The following PTPN22 variants were observed in gnomAD, a reference collection of about 807,000 sequenced individuals.
The protein encoded by PTPN22 is protein tyrosine phosphatase non-receptor type 22, also known as tyrosine-protein phosphatase non-receptor type 22.
PTPN22 carries 85 observed loss-of-function variants against 103.3 expected under a neutral mutation model. The ratio of observed to expected loss-of-function variants is 0.82; its 90% CI spans 0.69 to 0.99. The LOEUF (loss-of-function observed/expected upper bound fraction) is 0.99. PTPN22 is among the 50% of genes least tolerant of loss of function. PTPN22 has a pLI of 0.00. For synonymous variants in PTPN22, 323 were observed against 310.2 expected, an observed-to-expected ratio of 1.04 and a Z score of -0.43; for missense variants, 865 against 936.9, an observed-to-expected ratio of 0.92 and a Z score of 1.00.
intron 19 of PTPN22, among the ~76,000 whole-genome samples, chr1:113,821,508 G>T (rs551116902): frequency 6.6e-6 from 1 of 152,202 alleles, no homozygotes; most frequent in Admixed American, 6.5e-5. Context: ...ATTTTTAGTA[G>T]AGATGGGGTT....
At chr1:113,819,055 C>T (rs980560187) in intron 20 of PTPN22, among the ~76,000 whole-genome samples, 1 of 152,102 alleles carries the variant, frequency 6.6e-6, no homozygotes, top group East Asian at 1.9e-4. Context: ...TTAAATAGTA[C>T]ATAAATATGT....
chr1:113,816,844 G>T (rs1558011871), intron 20 of PTPN22, among the ~76,000 whole-genome samples: 1 of 152,216 alleles, frequency 6.6e-6, no homozygotes, highest in African/African-American at 2.4e-5. Context: ...AGGAGGCTGA[G>T]GTTACAGTGA....
intron 1 of PTPN22, among the ~76,000 whole-genome samples, chr1:113,863,157 A>G (rs1196572216): frequency 1.3e-5 from 2 of 152,184 alleles, no homozygotes; most frequent in South Asian, 2.1e-4. Flanking sequence ...CAGTGGCGCA[A>G]TCTTGGCTCA....
At chr1:113,848,388 T>C (rs1664278042) in intron 11 of PTPN22, 152 bp downstream of exon 11, 4 of 1,079,428 alleles carry the variant, frequency 3.7e-6, no homozygotes, top group Non-Finnish European at 5.3e-6. Context: ...TAATTTGTCA[T>C]TTTCCACAGG....
intron 19 of PTPN22, among the ~76,000 whole-genome samples, chr1:113,820,192 G>A (rs1661472312): frequency 6.6e-6 from 1 of 151,610 alleles, no homozygotes; most frequent in African/African-American, 2.4e-5. Flanking sequence ...GGTGACTCAC[G>A]CCTGTAATCC....
intron 4 of PTPN22, 64 bp from the exon 5 acceptor site, chr1:113,857,840 TGGATCC>T: frequency 7.0e-7 from 1 of 1,428,400 alleles, no homozygotes; most frequent in Non-Finnish European, 9.7e-7. Flanking sequence ...AGTTAATACA[TGGATCC>T]CAGACTCAGA....
chr1:113,858,122 A>T (rs1665235391), intron 4 of PTPN22: 2 of 200,134 alleles, frequency 1.0e-5, no homozygotes, highest in African/African-American at 2.3e-5. Context: ...CTGTGGCACA[A>T]TCTCAGCTTA....
At chr1:113,850,270 AAG>A (rs1294210580) in intron 10 of PTPN22, among the ~76,000 whole-genome samples, 168 of 148,534 alleles carry the variant, frequency 1.1e-3, no homozygotes, top group African/African-American at 4.0e-3. Context: ...GGAAGGAAGG[AAG>A]GAAAGAAAGG....
chr1:113,841,587 T>C (rs1021003674), intron 11 of PTPN22, among the ~76,000 whole-genome samples: 2 of 144,830 alleles, frequency 1.4e-5, no homozygotes, highest in African/African-American at 5.2e-5. Context: ...CAACAACATG[T>C]AAACAACTCT....
At position 113,840,241 on chromosome 1, in the gene PTPN22, GA is replaced by G. The variant is rs1168363730; in HGVS notation, c.916-1622del. ...CATCTCAAAAAAAAAAAAAAAATTG[GA>G]AAAAAAGGAAGTAAAATTATCTCTA... On this transcript the variant is annotated intron_variant, in intron 11 of 20. Transcript: ENST00000359785. 1.6e-3 allele frequency among the ~76,000 whole-genome samples: 248 copies of G among 150,740 alleles called. 1 individual carries two copies. The highest frequency in any genetic ancestry group is 3.1e-3 in the Admixed American group (47 of 15,124).
chr1:113,819,904 A>C (rs1032646798), intron 19 of PTPN22: 18 of 256,872 alleles, frequency 7.0e-5, no homozygotes, highest in African/African-American at 4.0e-4. Context: ...ACACTAAAGA[A>C]AATTGCTAAG....
chr1:113,820,110 T>C (rs1425694066), intron 19 of PTPN22, among the ~76,000 whole-genome samples: 3 of 152,198 alleles, frequency 2.0e-5, no homozygotes, highest in Non-Finnish European at 4.4e-5. Context: ...GGAATCTCTT[T>C]TTTTATTCCA....
At chr1:113,832,141 A>T (rs1425959257) in intron 16 of PTPN22, among the ~76,000 whole-genome samples, 1 of 152,122 alleles carries the variant, frequency 6.6e-6, no homozygotes, top group African/African-American at 2.4e-5. Flanking sequence ...TAGACCAGGG[A>T]TTTGACTTAA....
At chr1:113,838,011 C>T (rs1282314549) in exon 13 of PTPN22, 7 of 1,613,818 alleles carry the variant, frequency 4.3e-6, no homozygotes, top group African/African-American at 2.7e-5. Flanking sequence ...CCTTGCTGTC[C>T]ACCTCCTTGG....
chr1:113,832,855 T>G, intron 16 of PTPN22: 2 of 331,496 alleles, frequency 6.0e-6, no homozygotes, highest in South Asian at 6.8e-5. Flanking sequence ...GCTGCAAAGT[T>G]TTAAAAGATT....
chr1:113,866,287 C>A (rs939661116), intron 1 of PTPN22, among the ~76,000 whole-genome samples: 1 of 152,068 alleles, frequency 6.6e-6, no homozygotes, highest in African/African-American at 2.4e-5. Context: ...CCAAGGCAGG[C>A]AGATCATGAG....
exon 14 of PTPN22, chr1:113,834,980 C>T (rs765535869): frequency 5.1e-6 from 8 of 1,560,156 alleles, no homozygotes; most frequent in Non-Finnish European, 6.9e-6. Flanking sequence ...CATCATCTAT[C>T]CTTGGAGCAG....
chr1:113,855,674 G>A (rs1426258374), intron 7 of PTPN22, among the ~76,000 whole-genome samples: 1 of 152,044 alleles, frequency 6.6e-6, no homozygotes, highest in African/African-American at 2.4e-5. Flanking sequence ...ATAGATCTCA[G>A]GTGACCAGAT....
intron 1 of PTPN22, among the ~76,000 whole-genome samples, chr1:113,869,696 G>A (rs929510965): frequency 6.6e-6 from 1 of 152,062 alleles, no homozygotes; most frequent in Admixed American, 6.6e-5. Context: ...CCCCCGGCCA[G>A]TCTACATTAT....
Sources: allele counts gnomAD v4.1 joint callset (sites outside exome capture counted in the v4.1 genomes callset), GRCh38; gene constraint gnomAD v4.1.1; transcripts MANE v1.5; gene names NCBI Gene and HGNC (gene_info 2026-07-23, HGNC 2026-07-21).